Variants in BUB1B observed in about 807,000 individuals in gnomAD.
The protein encoded by BUB1B is BUB1 mitotic checkpoint serine/threonine kinase B.
BUB1B carries 86 observed loss-of-function variants against 137.7 expected under a neutral mutation model. That is an observed-to-expected ratio of 0.62 (90% CI 0.52 to 0.75). The LOEUF is 0.75. Among genes scored for constraint, BUB1B ranks in the 30% least tolerant of loss-of-function variants. The pLI is 0.00. For missense variants in BUB1B, 1,130 were observed against 1,236.9 expected, an observed-to-expected ratio of 0.91 and a Z score of 1.30; for synonymous variants, 420 against 417.9, an observed-to-expected ratio of 1.00 and a Z score of -0.06.
chr15:40,167,174 G>T (rs1187897102), intron 2 of BUB1B, among the ~76,000 whole-genome samples: 2 of 149,450 alleles, frequency 1.3e-5, no homozygotes, highest in African/African-American at 4.9e-5. Context: ...TTATTTTCTG[G>T]GTGTTTTTTT....
At chr15:40,200,217 T>G (rs373846870) in intron 10 of BUB1B, 27 bp from the exon 11 acceptor site, 13 of 1,507,106 alleles carry the variant, frequency 8.6e-6, no homozygotes, top group South Asian at 1.1e-5. Context: ...GGGAGGGACA[T>G]TGATTTTGTT....
chr15:40,191,612 T>C (rs561737310), intron 8 of BUB1B, among the ~76,000 whole-genome samples: 1 of 152,368 alleles, frequency 6.6e-6, no homozygotes, highest in African/African-American at 2.4e-5. Context: ...TTAGCTCTTA[T>C]ATTTAGGTCT....
At position 40,213,079 on chromosome 15, in the gene BUB1B, C is replaced by A. The variant is rs114014744; in HGVS notation, c.2536-253C>A. On this transcript the variant is annotated intron_variant, in intron 19 of 22. Coordinates refer to ENST00000287598, the MANE Select transcript of BUB1B (RefSeq NM_001211.6). ...TGGTTGGAATGAGGGTATTTTAAAT[C>A]CATTTATTAAGTACCTATTTTGGGC... Among the ~76,000 whole-genome samples the A allele has an allele frequency of 0.079, 12,023 of 152,044 alleles. 1,531 individuals carry two copies. Among genetic ancestry groups the A allele is most frequent in the African/African-American group, 0.27 (11,369 of 41,364 alleles).
intron 15 of BUB1B, among the ~76,000 whole-genome samples, chr15:40,207,554 A>C (rs1384139361): frequency 6.6e-6 from 1 of 152,186 alleles, no homozygotes; most frequent in African/African-American, 2.4e-5. Context: ...TGAAGAAAAA[A>C]AAGTCCAGAG....
At chr15:40,184,266 T>C (rs2037332620) in intron 6 of BUB1B, among the ~76,000 whole-genome samples, 1 of 152,040 alleles carries the variant, frequency 6.6e-6, no homozygotes, top group East Asian at 1.9e-4. Context: ...AATTAGACTC[T>C]CTATATACCC....
chr15:40,165,336 C>CATGTGATACGAAAGCAG, intron 2 of BUB1B, 140 bp downstream of exon 2: 1 of 1,088,942 alleles, frequency 9.2e-7, no homozygotes, highest in Non-Finnish European at 1.4e-6. Flanking sequence ...TACCTGCTTT[C>CATGTGATACGAAAGCAG]GTATCACATG....
In BUB1B at chr15:40,220,763, A is replaced by G. The variant is rs1160026363; in HGVS notation, c.*4A>G. The G allele has an allele frequency of 1.2e-6, 2 of 1,613,586 alleles. No individual in the cohort carries two copies. The highest frequency in any genetic ancestry group is 2.2e-5 in the East Asian group (1 of 44,872). ...TGGGGCTTTGCTCTTTCAGTGAGCTAGGCAATCAAGTCTCACAGATTGCTG... is the reference window on the plus strand; with the variant it reads ...TGGGGCTTTGCTCTTTCAGTGAGCTGGGCAATCAAGTCTCACAGATTGCTG... On this transcript the variant is annotated 3_prime_UTR_variant, in exon 23 of 23. Coordinates refer to ENST00000287598, the MANE Select transcript of BUB1B (RefSeq NM_001211.6).
intron 2 of BUB1B, among the ~76,000 whole-genome samples, chr15:40,169,172 C>T (rs1211827143): frequency 6.6e-6 from 1 of 152,142 alleles, no homozygotes; most frequent in Non-Finnish European, 1.5e-5. Flanking sequence ...GGTCTTAGCC[C>T]TCTGCCTTTC....
intron 8 of BUB1B, among the ~76,000 whole-genome samples, chr15:40,191,530 T>C (rs2037438114): frequency 6.6e-6 from 1 of 152,256 alleles, no homozygotes; most frequent in Non-Finnish European, 1.5e-5. Flanking sequence ...CTGTCATATC[T>C]AAGAAGGCTC....
chr15:40,208,791 T>C (rs2037671120), intron 16 of BUB1B, 21 bp downstream of exon 16: 1 of 1,594,826 alleles, frequency 6.3e-7, no homozygotes, highest in Non-Finnish European at 8.6e-7. Flanking sequence ...CATACCACTA[T>C]ATCCATGCCT....
intron 15 of BUB1B, among the ~76,000 whole-genome samples, chr15:40,207,775 G>T (rs2037655545): frequency 6.6e-6 from 1 of 151,442 alleles, no homozygotes; most frequent in African/African-American, 2.4e-5. Context: ...ATTGGCTCTT[G>T]CCTGTAATCC....
In BUB1B at chr15:40,213,817, C is replaced by T. The variant is rs369064795; in HGVS notation, c.2678+343C>T. ...CCTCCCAAAGTGCTGGGATTATAGG[C>T]GTGAGCCACTGCACCCGGCCAAGTT... On this transcript the variant is annotated intron_variant, in intron 20 of 22. Transcript: ENST00000287598. Among the ~76,000 whole-genome samples, 22 of 152,294 alleles carry T rather than the reference C, an allele frequency of 1.4e-4. No homozygotes were observed. In the East Asian group the frequency reaches 4.1e-3, roughly 28 times the overall value.
chr15:40,219,611 T>C (rs1042221847), intron 22 of BUB1B, among the ~76,000 whole-genome samples: 2 of 152,100 alleles, frequency 1.3e-5, no homozygotes, highest in African/African-American at 4.8e-5. Context: ...TCCTAGCTAC[T>C]TGGGAAGCTG....
chr15:40,213,617 C>A, intron 20 of BUB1B, 143 bp downstream of exon 20: 2 of 872,894 alleles, frequency 2.3e-6, no homozygotes, highest in Non-Finnish European at 3.7e-6. Context: ...CTCACTGCAG[C>A]CTCCATCTCC....
At chr15:40,199,879 A>G (rs900524130) in intron 10 of BUB1B, 152 bp downstream of exon 10, 3 of 684,242 alleles carry the variant, frequency 4.4e-6, no homozygotes, top group Non-Finnish European at 7.7e-6. Context: ...GCGGGAAAGT[A>G]ATTTAACAGG....
At chr15:40,196,282 A>T (rs2037496977) in intron 8 of BUB1B, among the ~76,000 whole-genome samples, 1 of 152,178 alleles carries the variant, frequency 6.6e-6, no homozygotes, top group Non-Finnish European at 1.5e-5. Context: ...TTTGTCAAAG[A>T]TCAGTTGACT....
At chr15:40,172,131 A>G (rs2037170139) in intron 4 of BUB1B, among the ~76,000 whole-genome samples, 1 of 151,890 alleles carries the variant, frequency 6.6e-6, no homozygotes, top group Non-Finnish European at 1.5e-5. Flanking sequence ...AAAGTAATAA[A>G]GTAAGAAATA....
rs2140889861 is a variant in BUB1B at position 40,183,831 on chromosome 15, A to C, written c.699A>C (p.Lys233Asn). ...GCACACTAGCTGAACTAAAGAGCAA[A>C]GGGAAAAAGACAGCAAGAGCTCCAA... ...QRSTLAELKS[K>N]GKKTARAPII... The change falls in exon 6 of 23, where the codon AAA becomes AAC. Residue 233 changes from lysine (K) to asparagine (N), a missense_variant. Coordinates refer to ENST00000287598, the MANE Select transcript of BUB1B (RefSeq NM_001211.6). 6.2e-7 allele frequency: 1 copy of C among 1,614,138 alleles called. No individual in the cohort carries two copies. The highest frequency in any genetic ancestry group is 8.5e-7 in the Non-Finnish European group (1 of 1,179,968).
At chr15:40,181,091 TG>T (rs1188638658) in intron 5 of BUB1B, among the ~76,000 whole-genome samples, 2 of 122,726 alleles carry the variant, frequency 1.6e-5, no homozygotes, top group African/African-American at 6.0e-5. Context: ...TGTCTAGATG[TG>T]ATTTTTTTTT....
Sources: allele counts gnomAD v4.1 joint callset (sites outside exome capture counted in the v4.1 genomes callset), GRCh38; gene constraint gnomAD v4.1.1; transcripts MANE v1.5; gene names NCBI Gene and HGNC (gene_info 2026-07-23, HGNC 2026-07-21).